Variants in GSTA5 observed in about 807,000 individuals in gnomAD.
GSTA5 encodes glutathione S-transferase A5.
In GSTA5, 25 loss-of-function variants were observed where a neutral mutation model predicts 21.8. That is an observed-to-expected ratio of 1.14 (90% CI 0.83 to 1.60). The LOEUF (loss-of-function observed/expected upper bound fraction) is 1.60, where lower values mean the gene tolerates loss of function less well. GSTA5 is among the 40% of genes most tolerant of loss of function. GSTA5 has a pLI of 0.00. For synonymous variants in GSTA5, 102 were observed against 89.5 expected (o/e 1.14, Z -0.78); for missense variants, 330 against 259.2 (o/e 1.27, Z -1.88).
chr6:52,834,471 T>C (rs1230664636), intron 3 of GSTA5, among the ~76,000 whole-genome samples, 189 bp from the exon 4 acceptor site: 1 of 152,188 alleles, frequency 6.6e-6, no homozygotes, highest in Non-Finnish European at 1.5e-5. Flanking sequence ...TTTTTACAGG[T>C]ATATTAACAT....
chr6:52,835,837 G>T (rs1057489621), intron 3 of GSTA5, among the ~76,000 whole-genome samples: 4 of 152,144 alleles, frequency 2.6e-5, no homozygotes, highest in Admixed American at 2.0e-4. Context: ...GATTCAGCTT[G>T]TTTACAGCCT....
chr6:52,837,087 TA>T (rs1363025623), intron 2 of GSTA5, among the ~76,000 whole-genome samples: 5 of 152,174 alleles, frequency 3.3e-5, no homozygotes, highest in African/African-American at 7.2e-5. Context: ...GAGAGGTTTT[TA>T]ATATAAGGGT....
chr6:52,833,026 C>G, intron 4 of GSTA5, 36 bp from the exon 5 acceptor site: 3 of 1,612,846 alleles, frequency 1.9e-6, no homozygotes, highest in Non-Finnish European at 2.5e-6. Flanking sequence ...GGAACACATG[C>G]ACACCCAGGC....
chr6:52,844,378 C>G (rs1255709679), upstream of GSTA5, among the ~76,000 whole-genome samples: 1 of 152,200 alleles, frequency 6.6e-6, no homozygotes, highest in East Asian at 1.9e-4. Flanking sequence ...AGCAACTTTT[C>G]AGGGGCTTGC....
At chr6:52,845,900 T>TA in the GSTA5 span, among the ~76,000 whole-genome samples, 1 of 152,134 alleles carries the variant, frequency 6.6e-6, no homozygotes, top group African/African-American at 2.4e-5. Flanking sequence ...AGAAAAGAAA[T>TA]AAACAATTCT....
chr6:52,842,595 G>C (rs1764394046), upstream of GSTA5, among the ~76,000 whole-genome samples: 1 of 151,944 alleles, frequency 6.6e-6, no homozygotes, highest in South Asian at 2.1e-4. Context: ...TGTAGAGACA[G>C]GGCTTCAGCA....
upstream of GSTA5, among the ~76,000 whole-genome samples, chr6:52,841,423 C>T (rs904627197): frequency 5.9e-5 from 9 of 152,164 alleles, no homozygotes; most frequent in Non-Finnish European, 1.3e-4. Context: ...CAGGGAGGAC[C>T]GGCAGGGAGC....
intron 4 of GSTA5, 51 bp from the exon 5 acceptor site, chr6:52,833,041 A>T: frequency 6.2e-7 from 1 of 1,606,420 alleles, no homozygotes; most frequent in Non-Finnish European, 8.5e-7. Flanking sequence ...CCAGGCTGGG[A>T]CCCCTGCTTC....
intron 4 of GSTA5, 53 bp from the exon 5 acceptor site, chr6:52,833,043 C>T (rs1341686191): frequency 3.1e-6 from 5 of 1,605,582 alleles, no homozygotes; most frequent in Non-Finnish European, 3.4e-6. Context: ...AGGCTGGGAC[C>T]CCTGCTTCTT....
intron 3 of GSTA5, among the ~76,000 whole-genome samples, chr6:52,835,913 G>C (rs1764285495): frequency 1.3e-5 from 2 of 152,170 alleles, no homozygotes; most frequent in African/African-American, 4.8e-5. Context: ...CTGTTGGCTG[G>C]AGTCTAGCCT....
chr6:52,840,776 C>T lies in GSTA5; in HGVS notation c.38G>A (p.Arg13Gln), dbSNP rs373314602. ...CCACCGAATGGACTCCATACTGCCC[C>T]GTGCATTGGAGTAGTGGAGCTTGGG... is the stretch of plus-strand genomic sequence containing the variant. The change falls in exon 1 of 6, where the codon CGG becomes CAG. Residue 13 changes from arginine (R) to glutamine (Q), a missense_variant. Coordinates refer to ENST00000370989, the Ensembl canonical transcript of GSTA5. 1.3e-5 allele frequency: 21 copies of T among 1,613,998 alleles called. 1 individual carries two copies. Among genetic ancestry groups the T allele is most frequent in the South Asian group, 4.4e-5 (4 of 91,076 alleles).
chr6:52,837,480 G>C (rs1764309220), intron 2 of GSTA5, 78 bp downstream of exon 2: 1 of 883,636 alleles, frequency 1.1e-6, no homozygotes. Context: ...CACACACATA[G>C]GTATTCCTGG....
At chr6:52,831,919 G>C (rs200881635) in exon 6 of GSTA5, 49 of 1,613,792 alleles carry the variant, frequency 3.0e-5, no homozygotes, top group South Asian at 3.3e-5. Context: ...TGGCTGCCAG[G>C]CTGCAGAAAC....
chr6:52,838,689 C>G (rs1397416367), intron 1 of GSTA5, among the ~76,000 whole-genome samples: 1 of 152,278 alleles, frequency 6.6e-6, no homozygotes, highest in Non-Finnish European at 1.5e-5. Flanking sequence ...CAGAATCTAT[C>G]AAACCAAAAG....
upstream of GSTA5, among the ~76,000 whole-genome samples, chr6:52,843,942 G>A (rs893644813): frequency 2.0e-5 from 3 of 152,146 alleles, no homozygotes; most frequent in African/African-American, 7.2e-5. Flanking sequence ...GTTTCCAAGG[G>A]TCAGGCTAAG....
upstream of GSTA5, among the ~76,000 whole-genome samples, chr6:52,842,493 C>T (rs1302973114): frequency 6.9e-6 from 1 of 144,838 alleles, no homozygotes; most frequent in Non-Finnish European, 1.5e-5. Flanking sequence ...GCAACTTTAG[C>T]CTCCCAGTTT....
exon 4 of GSTA5, chr6:52,834,234 A>G (rs756275001): frequency 3.7e-6 from 6 of 1,613,768 alleles, no homozygotes; most frequent in South Asian, 2.2e-5. Context: ...TGAGCAGAAG[A>G]AGGATCATTT....
intron 1 of GSTA5, among the ~76,000 whole-genome samples, chr6:52,839,424 A>G (rs1371994645): frequency 6.6e-6 from 1 of 152,180 alleles, no homozygotes; most frequent in Non-Finnish European, 1.5e-5. Flanking sequence ...CATTTGTACA[A>G]AGGAAACAAC....
upstream of GSTA5, among the ~76,000 whole-genome samples, chr6:52,843,811 C>T (rs942164917): frequency 5.9e-5 from 9 of 152,196 alleles, no homozygotes; most frequent in African/African-American, 2.2e-4. Context: ...CCAATCCCCA[C>T]ACTAAGCTCC....
Sources: allele counts gnomAD v4.1 joint callset (sites outside exome capture counted in the v4.1 genomes callset), GRCh38; gene constraint gnomAD v4.1.1; transcripts MANE v1.5; gene names NCBI Gene and HGNC (gene_info 2026-07-23, HGNC 2026-07-21).